DLG2: variants seen among roughly 807,000 people sequenced by gnomAD.
DLG2 encodes the protein disks large homolog 2.
In DLG2, 45 loss-of-function variants were observed where a neutral mutation model predicts 132.5. The observed-to-expected ratio is 0.34, with a 90% CI of 0.27 to 0.44. The LOEUF is 0.44. Ranked by LOEUF, DLG2 falls within the 20% of genes least tolerant of loss-of-function variation. The pLI is 1.00. For missense variants in DLG2, 1,045 were observed against 1,196.9 expected (o/e 0.87, Z 1.87); for synonymous variants, 424 against 419.6 (o/e 1.01, Z -0.13).
chr11:84,106,475 G>A (rs2092922186), intron 9 of DLG2, among the ~76,000 whole-genome samples: 1 of 151,920 alleles, frequency 6.6e-6, no homozygotes, highest in South Asian at 2.1e-4. Flanking sequence ...GTTTTTAAAT[G>A]CTATCTAATA....
At chr11:84,295,196 T>C (rs2098073314) in intron 7 of DLG2, among the ~76,000 whole-genome samples, 1 of 152,190 alleles carries the variant, frequency 6.6e-6, no homozygotes, top group Non-Finnish European at 1.5e-5. Flanking sequence ...TAAATTAAGG[T>C]AAGTTACTTT....
intron 6 of DLG2, among the ~76,000 whole-genome samples, chr11:84,688,152 A>C (rs1027427834): frequency 2.0e-5 from 3 of 152,198 alleles, no homozygotes; most frequent in African/African-American, 7.2e-5. Context: ...AACATTATAA[A>C]GCATAGAAAA....
At chr11:83,681,912 T>C (rs1053978835) in intron 18 of DLG2, 2 of 156,120 alleles carry the variant, frequency 1.3e-5, no homozygotes, top group African/African-American at 2.4e-5. Context: ...ATGAAACTGA[T>C]AGAATGAAAC....
intron 5 of DLG2, among the ~76,000 whole-genome samples, chr11:85,112,155 G>A (rs544492751): frequency 6.6e-6 from 1 of 152,200 alleles, no homozygotes; most frequent in Admixed American, 6.6e-5. Flanking sequence ...CTATAAGCTA[G>A]TGATGGTGAT....
intron 18 of DLG2, among the ~76,000 whole-genome samples, chr11:83,699,201 G>A (rs1263901349): frequency 6.6e-6 from 1 of 152,110 alleles, no homozygotes; most frequent in Non-Finnish European, 1.5e-5. Flanking sequence ...TAAAAAGGAT[G>A]TAAAGAAGAA....
chr11:84,764,595 G>T (rs1281056699), intron 6 of DLG2, among the ~76,000 whole-genome samples: 1 of 152,010 alleles, frequency 6.6e-6, no homozygotes, highest in Non-Finnish European at 1.5e-5. Context: ...GTTAAAGCAG[G>T]TAAGTCTTGA....
At chr11:84,942,136 T>A (rs1449645931) in intron 6 of DLG2, among the ~76,000 whole-genome samples, 2 of 152,190 alleles carry the variant, frequency 1.3e-5, no homozygotes, top group Non-Finnish European at 2.9e-5. Context: ...ATTGAATCTT[T>A]TTTTCTTAGT....
At chr11:83,641,897 G>A (rs1258596413) in intron 18 of DLG2, among the ~76,000 whole-genome samples, 2 of 151,212 alleles carry the variant, frequency 1.3e-5, no homozygotes, top group Non-Finnish European at 2.9e-5. Context: ...GTGTGTATGT[G>A]TGTTTGTGTG....
intron 18 of DLG2, among the ~76,000 whole-genome samples, chr11:83,747,275 TCTTCCTTC>T (rs61484895): frequency 0.12 from 14,477 of 121,508 alleles, 931 homozygotes; most frequent in Admixed American, 0.14. Flanking sequence ...TGCTTTAAAA[TCTTCCTTC>T]CTTCCTTCCT....
chr11:85,022,039 C>A (rs2060120591), intron 6 of DLG2, among the ~76,000 whole-genome samples: 2 of 151,914 alleles, frequency 1.3e-5, no homozygotes, highest in South Asian at 4.1e-4. Flanking sequence ...CCTAGCCTTT[C>A]AAAAAATTGC....
At chr11:84,040,252 T>G (rs536251494) in intron 11 of DLG2, among the ~76,000 whole-genome samples, 2,759 of 152,098 alleles carry the variant, frequency 0.018, 80 homozygotes, top group South Asian at 0.065. Flanking sequence ...ATTTTGGCTT[T>G]TGTTGCCATT....
intron 6 of DLG2, among the ~76,000 whole-genome samples, chr11:84,966,108 T>C (rs766113465): frequency 6.6e-6 from 1 of 151,970 alleles, no homozygotes; most frequent in East Asian, 1.9e-4. Flanking sequence ...GTATACTATC[T>C]AGTAGCAAGA....
intron 7 of DLG2, among the ~76,000 whole-genome samples, chr11:84,447,897 A>G (rs1230268248): frequency 6.6e-6 from 1 of 152,152 alleles, no homozygotes; most frequent in Admixed American, 6.6e-5. Flanking sequence ...AGCTGGGAAG[A>G]CATAGCTCCT....
At chr11:84,869,917 T>C (rs1485465129) in intron 6 of DLG2, among the ~76,000 whole-genome samples, 1 of 152,226 alleles carries the variant, frequency 6.6e-6, no homozygotes, top group South Asian at 2.1e-4. Flanking sequence ...GAATATTCCC[T>C]TCCGTTTGGC....
At chr11:83,870,130 C>G (rs897127475) in intron 16 of DLG2, among the ~76,000 whole-genome samples, 1 of 152,130 alleles carries the variant, frequency 6.6e-6, no homozygotes, top group Non-Finnish European at 1.5e-5. Flanking sequence ...ACCATTTCAG[C>G]TTTTAAAAAA....
chr11:85,097,052 C>A lies in DLG2; in HGVS notation c.357+14609G>T, dbSNP rs116580597. 2.6e-3 allele frequency among the ~76,000 whole-genome samples: 390 copies of A among 152,268 alleles called. 2 individuals are homozygous for A. The highest frequency in any genetic ancestry group is 8.8e-3 in the African/African-American group (366 of 41,550). ...AACTCTAAAAGTCATGTGGCCCAAACAAGACTCACCCATCTATCCTATCTA... is the reference window on the plus strand; with the variant it reads ...AACTCTAAAAGTCATGTGGCCCAAAAAAGACTCACCCATCTATCCTATCTA... On this transcript the variant is annotated intron_variant, in intron 6 of 27. Transcript: ENST00000376104.
intron 6 of DLG2, among the ~76,000 whole-genome samples, chr11:84,885,386 T>C (rs1030184770): frequency 1.3e-5 from 2 of 152,034 alleles, no homozygotes; most frequent in East Asian, 1.9e-4. Context: ...CAAGGATAGA[T>C]TGCAGTGGCA....
At chr11:83,578,350 AAG>A (rs1284927070) in intron 19 of DLG2, among the ~76,000 whole-genome samples, 3 of 151,958 alleles carry the variant, frequency 2.0e-5, no homozygotes, top group Admixed American at 2.0e-4. Flanking sequence ...CAGACATGCA[AAG>A]AGAAAAAAAG....
intron 4 of DLG2, among the ~76,000 whole-genome samples, chr11:85,230,417 G>A (rs528426527): frequency 1.0e-4 from 15 of 150,314 alleles, no homozygotes; most frequent in South Asian, 4.2e-4. Context: ...GAATTATCTC[G>A]TATTCATTTA....
Sources: gnomAD v4.1 joint callset for allele counts (sites outside exome capture counted in the v4.1 genomes callset) on GRCh38, gnomAD v4.1.1 for gene constraint, MANE v1.5 for transcripts, NCBI Gene and HGNC (gene_info 2026-07-23, HGNC 2026-07-21) for gene names.